RNF19A: variants seen among roughly 807,000 people sequenced by gnomAD.
RNF19A encodes the protein ring finger protein 19A, RBR E3 ubiquitin protein ligase, also known as E3 ubiquitin-protein ligase RNF19A.
A neutral mutation model predicts 75.7 loss-of-function variants in RNF19A; 32 were observed. That is an observed-to-expected ratio of 0.42 (90% CI 0.32 to 0.57). The LOEUF is 0.57. Ranked by LOEUF, RNF19A falls within the 20% of genes least tolerant of loss-of-function variation. The pLI is 0.10. For missense variants in RNF19A, 782 were observed against 1,036.3 expected (o/e 0.75, Z 3.37); for synonymous variants, 335 against 345.2 (o/e 0.97, Z 0.33).
chr8:100,290,417 G>A (rs1330362951), intron 1 of RNF19A, among the ~76,000 whole-genome samples: 3 of 152,110 alleles, frequency 2.0e-5, no homozygotes, highest in Admixed American at 6.5e-5. Context: ...TTCTTAATAT[G>A]TGCAGTATGC....
Position 100,259,274 on chromosome 8 carries a change from CA to C in RNF19A, c.1827-29del, listed in dbSNP as rs753607720. ...GAAATATAAGAGTAACAAATACAAA[CA>C]TAATTGCTGACTTCTTTTTGTTCAG... On this transcript the variant is annotated intron_variant, in intron 9 of 9. Transcript: ENST00000341084. This position sits in a 1 kb window ranked among gnomAD's most constrained non-coding sequence, Gnocchi z 4.5. 8.6e-5 allele frequency: 134 copies of C among 1,555,000 alleles called. 1 individual carries two copies. Among genetic ancestry groups the C allele is most frequent in the Non-Finnish European group, 1.2e-4 (132 of 1,145,046 alleles).
At chr8:100,295,438 A>G (rs1299512908) in intron 1 of RNF19A, among the ~76,000 whole-genome samples, 1 of 152,104 alleles carries the variant, frequency 6.6e-6, no homozygotes, top group African/African-American at 2.4e-5. Context: ...CAGAATATTC[A>G]TTTTGCTCAC....
At chr8:100,300,149 G>A (rs1181950599) in intron 1 of RNF19A, among the ~76,000 whole-genome samples, 3 of 152,132 alleles carry the variant, frequency 2.0e-5, no homozygotes, top group South Asian at 2.1e-4. Flanking sequence ...TTCCCTTTGG[G>A]TATGTAGTAT....
chr8:100,279,821 C>A (rs1010363399), intron 2 of RNF19A, among the ~76,000 whole-genome samples: 11 of 152,028 alleles, frequency 7.2e-5, no homozygotes, highest in African/African-American at 2.7e-4. Flanking sequence ...GCCACCACAC[C>A]CAGCCTCAAT....
rs1465691984 is a variant in RNF19A, at chr8:100,281,557, T to A, written c.674+5944A>T. Reference sequence around the variant, plus strand: ...GAGCAAATTCCTTGTGAGGAACAAGTAAGAAGAAAAAAACATACCTAACAT... The same window carrying A: ...GAGCAAATTCCTTGTGAGGAACAAGAAAGAAGAAAAAAACATACCTAACAT... On this transcript the variant is annotated intron_variant, in intron 2 of 9. Transcript: ENST00000341084. Among the ~76,000 whole-genome samples, 3 of 151,958 alleles carry A rather than the reference T, an allele frequency of 2.0e-5. No individual in the cohort carries two copies. In the East Asian group the frequency reaches 5.8e-4, roughly 29 times the overall value.
At position 100,323,706 on chromosome 8, in the gene RNF19A, T is replaced by C. The variant is rs541574307; in HGVS notation, c.-242-10334A>G. Among the ~76,000 whole-genome samples the C allele has an allele frequency of 6.6e-6, 1 of 152,332 alleles. No individual in the cohort carries two copies. Among genetic ancestry groups the C allele is most frequent in the South Asian group, 2.1e-4 (1 of 4,828 alleles). Reference sequence around the variant, plus strand: ...CCCAAAATGGCTAATTGAAAGTTTGTGTGATATGAAAAGATAGGCAAGAGA... The same window carrying C: ...CCCAAAATGGCTAATTGAAAGTTTGCGTGATATGAAAAGATAGGCAAGAGA... On this transcript the variant is annotated intron_variant, in intron 1 of 3. Coordinates refer to the RNF19A transcript ENST00000519527. The surrounding 1 kb of genome is among the most constrained non-coding windows in gnomAD (Gnocchi z 4.6).
chr8:100,280,756 G>A (rs555327385), intron 2 of RNF19A, among the ~76,000 whole-genome samples: 18 of 152,226 alleles, frequency 1.2e-4, no homozygotes, highest in African/African-American at 4.1e-4. Context: ...TATTAGGCAC[G>A]TTCTGTAATA....
At chr8:100,320,899 C>T (rs1822456998) in intron 1 of RNF19A, among the ~76,000 whole-genome samples, 1 of 152,096 alleles carries the variant, frequency 6.6e-6, no homozygotes, top group South Asian at 2.1e-4. Flanking sequence ...ATATTGTGGG[C>T]TATTAAGTGT....
intron 1 of RNF19A, among the ~76,000 whole-genome samples, chr8:100,294,911 C>T (rs1264560512): frequency 1.3e-5 from 2 of 152,218 alleles, no homozygotes; most frequent in Non-Finnish European, 2.9e-5. Context: ...CAACGAATGA[C>T]TAAATGTGTT....
At chr8:100,303,172 CA>C (rs1684182595) in intron 1 of RNF19A, 1 of 152,250 alleles carries the variant, frequency 6.6e-6, no homozygotes, top group Admixed American at 6.5e-5. Context: ...TTCTGGAGGC[CA>C]GAAGTCCAAA....
intron 1 of RNF19A, among the ~76,000 whole-genome samples, chr8:100,291,582 T>G (rs961739130): frequency 2.0e-5 from 3 of 152,214 alleles, no homozygotes; most frequent in African/African-American, 7.2e-5. Flanking sequence ...AATAGCCACC[T>G]ATCTGCCTAA....
intron 5 of RNF19A, among the ~76,000 whole-genome samples, chr8:100,265,906 A>T (rs1819951612): frequency 6.6e-6 from 1 of 152,230 alleles, no homozygotes; most frequent in Admixed American, 6.5e-5. Context: ...GACCTTCCCA[A>T]GGTACCTTTC....
In RNF19A at chr8:100,333,846, C is replaced by T. The variant is rs1322880399; in HGVS notation, c.-243+2262G>A. ...ACAATAACAACAAAAACCGAAAACA[C>T]ATTGTCTATCTTTATTTACGACCCC... On this transcript the variant is annotated intron_variant, in intron 1 of 3. Coordinates refer to the RNF19A transcript ENST00000519527. This position sits in a 1 kb window ranked among gnomAD's most constrained non-coding sequence, Gnocchi z 4.7. 2.6e-5 allele frequency among the ~76,000 whole-genome samples: 4 copies of T among 152,178 alleles called. No individual in the cohort carries two copies. The highest frequency in any genetic ancestry group is 5.9e-5 in the Non-Finnish European group (4 of 68,030).
chr8:100,294,345 C>T (rs561317109), intron 1 of RNF19A, among the ~76,000 whole-genome samples: 2 of 152,318 alleles, frequency 1.3e-5, no homozygotes, highest in South Asian at 4.1e-4. Context: ...TCCCTTCTAT[C>T]TTGCTGGGAA....
chr8:100,330,219 C>T lies in RNF19A; in HGVS notation c.-243+5889G>A, dbSNP rs1172018791. On this transcript the variant is annotated intron_variant, in intron 1 of 3. Transcript: ENST00000519527. This position sits in a 1 kb window ranked among gnomAD's most constrained non-coding sequence, Gnocchi z 4.1. Reference sequence around the variant, plus strand: ...TTAACTTTTTCTCTCTCCAAAGCCTCTTTCTAATTTTTGTTAAGGAAGGGA... The same window carrying T: ...TTAACTTTTTCTCTCTCCAAAGCCTTTTTCTAATTTTTGTTAAGGAAGGGA... Among the ~76,000 whole-genome samples, 1 of 152,204 alleles carries T rather than the reference C, an allele frequency of 6.6e-6. No homozygotes were observed. The highest frequency in any genetic ancestry group is 2.4e-5 in the African/African-American group (1 of 41,456).
At position 100,261,853 on chromosome 8, in the gene RNF19A, A is replaced by G; in HGVS notation, c.1469-98T>C. 8.3e-7 allele frequency: 1 copy of G among 1,211,722 alleles called. No homozygotes were observed. The allele number at this position is 1,211,722 out of a possible 1,614,324, so 75.1% of individuals were successfully genotyped here. On this transcript the variant is annotated intron_variant, in intron 7 of 9. Coordinates refer to ENST00000341084, the MANE Select transcript of RNF19A (RefSeq NM_183419.4). The surrounding 1 kb of genome is among the most constrained non-coding windows in gnomAD (Gnocchi z 4.4). ...TTTCAGAGAGGACATTATATAAGGT[A>G]TAAAATATACGCAGACATGGAAAAA... is the stretch of plus-strand genomic sequence containing the variant.
Position 100,291,615 on chromosome 8 carries a change from G to A in RNF19A, c.-93-3348C>T, listed in dbSNP as rs553914172. ...TAAATGATTTACACATCATTAGAAA[G>A]GTATTCTGGAAATGAAGAAGGCAGG... On this transcript the variant is annotated intron_variant, in intron 1 of 9. Coordinates refer to ENST00000341084, the MANE Select transcript of RNF19A (RefSeq NM_183419.4). Among the ~76,000 whole-genome samples, 5 of 152,228 alleles carry A rather than the reference G, an allele frequency of 3.3e-5. No homozygotes were observed. The South Asian group carries it at 1.0e-3, about 32-fold the overall frequency.
Position 100,269,064 on chromosome 8 carries a change from C to A in RNF19A, c.1029-117G>T. On this transcript the variant is annotated intron_variant, in intron 4 of 9. Coordinates refer to ENST00000341084, the MANE Select transcript of RNF19A (RefSeq NM_183419.4). The surrounding 1 kb of genome is among the most constrained non-coding windows in gnomAD (Gnocchi z 5.7). Reference sequence around the variant, plus strand: ...ACTTCTCATAGTTAGGAGCTTTTTTCCCCTTTAAATTCTGAGTTCATTAAA... The same window carrying A: ...ACTTCTCATAGTTAGGAGCTTTTTTACCCTTTAAATTCTGAGTTCATTAAA... The A allele has an allele frequency of 5.9e-6, 4 of 679,288 alleles. No homozygotes were observed. The highest frequency in any genetic ancestry group is 8.8e-6 in the Non-Finnish European group (4 of 452,838). The allele number at this position is 679,288 out of a possible 1,614,324, so 42.1% of individuals were successfully genotyped here.
At chr8:100,300,621 C>T (rs1488392749) in intron 1 of RNF19A, 2 of 151,844 alleles carry the variant, frequency 1.3e-5, no homozygotes, top group Non-Finnish European at 2.9e-5. Context: ...CCACTGTATT[C>T]CACCCTGGGT....
Sources: allele counts gnomAD v4.1 joint callset (sites outside exome capture counted in the v4.1 genomes callset), GRCh38; gene constraint gnomAD v4.1.1; non-coding constraint Gnocchi (gnomAD v3.1); transcripts MANE v1.5; gene names NCBI Gene and HGNC (gene_info 2026-07-23, HGNC 2026-07-21).